PTPN3: variants seen among roughly 807,000 people sequenced by gnomAD.
PTPN3 encodes the protein protein tyrosine phosphatase non-receptor type 3, also known as tyrosine-protein phosphatase non-receptor type 3.
A neutral mutation model predicts 132.7 loss-of-function variants in PTPN3; 96 were observed. The ratio of observed to expected loss-of-function variants is 0.72; its 90% CI spans 0.61 to 0.86. The LOEUF is 0.86. PTPN3 is among the 40% of genes least tolerant of loss of function. The probability of loss-of-function intolerance (pLI) is 0.00; values close to 1 mark genes in which losing one functional copy is unlikely to be tolerated. For missense variants in PTPN3, 1,125 were observed against 1,159.6 expected (o/e 0.97, Z 0.43); for synonymous variants, 398 against 429.0 (o/e 0.93, Z 0.89).
intron 1 of PTPN3, among the ~76,000 whole-genome samples, chr9:109,473,732 C>CT (rs1321500445): frequency 6.6e-6 from 1 of 151,998 alleles, no homozygotes; most frequent in East Asian, 1.9e-4. Context: ...AAAGAAAAAC[C>CT]TTTTTCTTGA....
chr9:109,421,428 C>A (rs1842886855), intron 13 of PTPN3, among the ~76,000 whole-genome samples: 1 of 152,204 alleles, frequency 6.6e-6, no homozygotes, highest in Non-Finnish European at 1.5e-5. Flanking sequence ...GATTTGCAAT[C>A]CCCCTGGGCC....
At chr9:109,497,731 CCAGGAAA>C (rs1266232871) in intron 1 of PTPN3, among the ~76,000 whole-genome samples, 1 of 152,122 alleles carries the variant, frequency 6.6e-6, no homozygotes, top group Admixed American at 6.5e-5. Flanking sequence ...CGTGCCAGGC[CCAGGAAA>C]TGCCATCTTT....
intron 1 of PTPN3, among the ~76,000 whole-genome samples, chr9:109,467,403 G>T (rs1300801338): frequency 6.6e-6 from 1 of 152,070 alleles, no homozygotes; most frequent in Non-Finnish European, 1.5e-5. Context: ...CCTCAGGTGT[G>T]GCGCAGGATC....
chr9:109,496,367 G>A (rs906496082), intron 1 of PTPN3, among the ~76,000 whole-genome samples: 1 of 152,118 alleles, frequency 6.6e-6, no homozygotes. Flanking sequence ...TTAATCATCC[G>A]GAAAGTCATC....
At chr9:109,429,082 G>T in intron 10 of PTPN3, 1 of 980,572 alleles carries the variant, frequency 1.0e-6, no homozygotes, top group Non-Finnish European at 1.2e-6. Flanking sequence ...TTACTTAACA[G>T]CCACGTGTCA....
At chr9:109,520,218 G>T in the PTPN3 span, among the ~76,000 whole-genome samples, 1 of 151,224 alleles carries the variant, frequency 6.6e-6, no homozygotes, top group Non-Finnish European at 1.5e-5. Context: ...AACTTACCTA[G>T]ATTTATCTAG....
chr9:109,505,048 T>C, the PTPN3 span, among the ~76,000 whole-genome samples: 1 of 152,138 alleles, frequency 6.6e-6, no homozygotes, highest in Non-Finnish European at 1.5e-5. Context: ...AAACCAGCAG[T>C]GATGAAGGAA....
chr9:109,470,630 A>C (rs2132070821), intron 1 of PTPN3, among the ~76,000 whole-genome samples: 1 of 151,754 alleles, frequency 6.6e-6, no homozygotes, highest in African/African-American at 2.4e-5. Flanking sequence ...CAGGAGGTCA[A>C]GGCTGCAGGG....
At position 109,386,744 on chromosome 9, in the gene PTPN3, G is replaced by A. The variant is rs1839614054; in HGVS notation, c.2253+2489C>T. ...GCACAGAAGGTACCAGTCTCAAGGT[G>A]AGACTTTACGTGGTGCACCTGAGAA... is the stretch of plus-strand genomic sequence containing the variant. On this transcript the variant is annotated intron_variant, in intron 22 of 25. Transcript: ENST00000374541. 2.0e-5 allele frequency among the ~76,000 whole-genome samples: 3 copies of A among 152,216 alleles called. No homozygotes were observed. The South Asian group carries it at 6.2e-4, about 32-fold the overall frequency.
At chr9:109,534,916 C>G in the PTPN3 span, among the ~76,000 whole-genome samples, 71 of 152,324 alleles carry the variant, frequency 4.7e-4, no homozygotes, top group African/African-American at 1.7e-3. Context: ...AATCGTGGGT[C>G]ATAGCTCTTT....
At chr9:109,383,268 T>TG (rs1839267349) in intron 23 of PTPN3, 155 bp downstream of exon 23, 1 of 1,337,000 alleles carries the variant, frequency 7.5e-7, no homozygotes, top group Admixed American at 1.8e-5. Flanking sequence ...CTGTGAACTC[T>TG]GGGCCCTGGC....
intron 14 of PTPN3, among the ~76,000 whole-genome samples, chr9:109,419,486 T>G (rs577935475): frequency 6.6e-6 from 1 of 152,378 alleles, no homozygotes; most frequent in East Asian, 1.9e-4. Context: ...ATGACTATGG[T>G]TGATTTCCTA....
chr9:109,406,947 T>G (rs191050691), intron 17 of PTPN3, among the ~76,000 whole-genome samples: 8 of 152,354 alleles, frequency 5.3e-5, no homozygotes, highest in African/African-American at 1.9e-4. Context: ...GTTTCCTAGA[T>G]GTACTGTTAG....
intron 19 of PTPN3, among the ~76,000 whole-genome samples, chr9:109,400,179 T>C (rs1840968607): frequency 6.6e-6 from 1 of 152,184 alleles, no homozygotes. Context: ...CCCCCTGTTT[T>C]GGCCTCCCAA....
chr9:109,497,447 G>A (rs192761176), intron 1 of PTPN3, among the ~76,000 whole-genome samples: 1 of 152,262 alleles, frequency 6.6e-6, no homozygotes, highest in African/African-American at 2.4e-5. Context: ...AGCTGGCCAA[G>A]GGGGAGCCCA....
At position 109,377,311 on chromosome 9, in the gene PTPN3, AAC is replaced by A. The variant is rs910326563; in HGVS notation, c.*2243_*2244del. The stretch of plus-strand genomic sequence containing the variant: ...CACAGTGGCTCACGCCTATAATCCC[AAC>A]AGTTTTGGAGGCTGAGGTGGGAAGA... On this transcript the variant is annotated 3_prime_UTR_variant, in exon 26 of 26. Coordinates refer to ENST00000374541, the MANE Select transcript of PTPN3 (RefSeq NM_002829.4). The A allele has an allele frequency of 2.0e-5, 3 of 151,876 alleles. No homozygotes were observed. The highest frequency in any genetic ancestry group is 4.2e-4 in the South Asian group (2 of 4,814). 9.4% of individuals were successfully genotyped at this position (151,876 alleles called of 1,614,324 possible). A position where few individuals can be genotyped will look rare whatever the true frequency, so the allele number is the denominator to read the frequency against.
Position 109,427,068 on chromosome 9 carries a change from T to G in PTPN3, c.883A>C (p.Lys295Gln). ...TCAACACAGGATTTCCACAAGTTTT[T>G]GCAAGATCGGTAATTCAGCATGTTG... ...AFNMLNYRSC[K>Q]NLWKSCVEHH... is the part of the protein sequence containing the mutation. The change falls in exon 12 of 26, where the codon AAA becomes CAA. Residue 295 changes from lysine (K) to glutamine (Q), a missense_variant. Transcript: ENST00000374541. The G allele has an allele frequency of 6.2e-7, 1 of 1,614,162 alleles. No individual in the cohort carries two copies. Among genetic ancestry groups the G allele is most frequent in the South Asian group, 1.1e-5 (1 of 91,078 alleles).
Position 109,438,118 on chromosome 9 carries a change from G to A in PTPN3, c.583C>T (p.His195Tyr). Residue 195 changes from histidine (H) to tyrosine (Y), a missense_variant, in exon 8 of 26, where the codon CAC becomes TAC. By Grantham distance (83) the His-to-Tyr change is moderately conservative. Coordinates refer to ENST00000374541, the MANE Select transcript of PTPN3 (RefSeq NM_002829.4). Reference sequence around the variant, plus strand: ...GGCCACCCCAGCCCCCCTCACCTGTGCTGCTCATGCAGAGATTCGACTTTT... The same window carrying A: ...GGCCACCCCAGCCCCCCTCACCTGTACTGCTCATGCAGAGATTCGACTTTT... ...LTKVESLHEQHSGLKQSEAES... is the reference protein window; with the variant it reads ...LTKVESLHEQYSGLKQSEAES... 6.2e-7 allele frequency: 1 copy of A among 1,613,534 alleles called. No individual in the cohort carries two copies. The highest frequency in any genetic ancestry group is 8.5e-7 in the Non-Finnish European group (1 of 1,179,790).
chr9:109,512,644 A>G, the PTPN3 span, among the ~76,000 whole-genome samples: 1 of 152,252 alleles, frequency 6.6e-6, no homozygotes, highest in Non-Finnish European at 1.5e-5. Flanking sequence ...AGGATTTTTA[A>G]GACTTTAATC....
Sources: gnomAD v4.1 joint callset for allele counts (sites outside exome capture counted in the v4.1 genomes callset) on GRCh38, gnomAD v4.1.1 for gene constraint, MANE v1.5 for transcripts, NCBI Gene and HGNC (gene_info 2026-07-23, HGNC 2026-07-21) for gene names.